VSTM4: variants seen among roughly 807,000 people sequenced by gnomAD.
VSTM4 encodes the protein V-set and transmembrane domain-containing protein 4.
VSTM4 carries 20 observed loss-of-function variants against 36.4 expected under a neutral mutation model. The observed-to-expected ratio is 0.55, with a 90% CI of 0.39 to 0.80. VSTM4 has a LOEUF of 0.80. Among genes scored for constraint, VSTM4 ranks in the 30% least tolerant of loss-of-function variants. The pLI is 0.00. For missense variants in VSTM4, 392 were observed against 404.5 expected (o/e 0.97, Z 0.26); for synonymous variants, 182 against 173.9 (o/e 1.05, Z -0.37).
intron 2 of VSTM4, among the ~76,000 whole-genome samples, chr10:49,091,000 G>C (rs191748243): frequency 2.1e-5 from 3 of 141,068 alleles, no homozygotes; most frequent in African/African-American, 7.6e-5. Context: ...ATGCTGGGGT[G>C]GGGGGTGGGG....
At position 49,020,980 on chromosome 10, in the gene VSTM4, CAT is replaced by C. The variant is rs1371707542; in HGVS notation, c.838-1207_838-1206del. On this transcript the variant is annotated intron_variant, in intron 7 of 7. Transcript: ENST00000332853. The stretch of plus-strand genomic sequence containing the variant: ...TAGTAATAGATCAAAAGAGAAAAGT[CAT>C]ATGATTATAGATGCTAGAAAGGTAC... Among the ~76,000 whole-genome samples, 3 of 152,050 alleles carry C rather than the reference CAT, an allele frequency of 2.0e-5. No individual in the cohort carries two copies. The South Asian group carries it at 6.2e-4, about 32-fold the overall frequency.
At chr10:49,052,461 G>A (rs938267694) in intron 5 of VSTM4, among the ~76,000 whole-genome samples, 7 of 135,642 alleles carry the variant, frequency 5.2e-5, no homozygotes, top group Non-Finnish European at 9.6e-5. Flanking sequence ...TCTTGATTTA[G>A]GATTTTCTTG....
In VSTM4 at chr10:49,107,744, C is replaced by T. The variant is rs1264019989; in HGVS notation, c.307G>A (p.Glu103Lys). ...CTGTAGAGCGCCCCCCGCTGCTCCT[C>T]CAGCAGGCGCAGCCTCCGCCGTTTG... ...SAKRRRLRLLEEQRGALYRLS... is the reference protein window; with the variant it reads ...SAKRRRLRLLKEQRGALYRLS... The change falls in exon 2 of 8, where the codon GAG (glutamate) becomes AAG (lysine). Residue 103 changes from glutamate (E) to lysine (K), a missense_variant. Glu to Lys is a moderately conservative substitution (Grantham distance 56, BLOSUM62 1). Coordinates refer to ENST00000332853, the MANE Select transcript of VSTM4 (RefSeq NM_001031746.5). 4 of 1,614,230 alleles carry T rather than the reference C, an allele frequency of 2.5e-6. No homozygotes were observed. The highest frequency in any genetic ancestry group is 3.4e-6 in the Non-Finnish European group (4 of 1,180,042).
intron 7 of VSTM4, among the ~76,000 whole-genome samples, chr10:49,033,368 C>T (rs757186461): frequency 3.9e-5 from 6 of 152,082 alleles, no homozygotes; most frequent in Non-Finnish European, 7.4e-5. Flanking sequence ...GTAGCCATGA[C>T]CCACACTAAA....
At chr10:49,073,254 T>G (rs1347784496) in intron 4 of VSTM4, among the ~76,000 whole-genome samples, 1 of 152,110 alleles carries the variant, frequency 6.6e-6, no homozygotes, top group East Asian at 1.9e-4. Flanking sequence ...TTGGGCACCA[T>G]CTAGGGGAGG....
intron 3 of VSTM4, among the ~76,000 whole-genome samples, chr10:49,085,435 C>T (rs1218601783): frequency 6.6e-6 from 1 of 152,202 alleles, no homozygotes; most frequent in Non-Finnish European, 1.5e-5. Flanking sequence ...CCCCAAACTC[C>T]TTAAGCAACC....
In VSTM4 at chr10:49,018,289, T is replaced by G. The variant is rs1055583; in HGVS notation, c.*1361A>C. 102,857 of 152,096 alleles carry G rather than the reference T, an allele frequency of 0.68. 36,614 individuals carry two copies. Among genetic ancestry groups the G allele is most frequent in the Non-Finnish European group, 0.8 (54,532 of 68,004 alleles). 9.4% of individuals were successfully genotyped at this position (152,096 alleles called of 1,614,324 possible). ...AGCATTTGTGTAGCAATTTACAGTT[T>G]CTAGAACTGGCAAGATTCATTATCC... On this transcript the variant is annotated 3_prime_UTR_variant, in exon 8 of 8. Transcript: ENST00000332853.
chr10:49,015,759 C>T lies in VSTM4; in HGVS notation c.*3891G>A, dbSNP rs1843096787. On this transcript the variant is annotated 3_prime_UTR_variant, in exon 8 of 8. Coordinates refer to ENST00000332853, the MANE Select transcript of VSTM4 (RefSeq NM_001031746.5). ...TGGATCAGGGATACTGGAAAGATGT[C>T]ATGTTCCACATGGACACCAGCCTAA... 1.3e-5 allele frequency: 2 copies of T among 152,236 alleles called. No individual in the cohort carries two copies. Among genetic ancestry groups the T allele is most frequent in the Non-Finnish European group, 2.9e-5 (2 of 68,046 alleles). The allele number at this position is 152,236 out of a possible 1,614,324, so 9.4% of individuals were successfully genotyped here.
chr10:49,069,311 G>A (rs773997309), intron 4 of VSTM4, among the ~76,000 whole-genome samples: 2 of 152,182 alleles, frequency 1.3e-5, no homozygotes, highest in East Asian at 3.9e-4. Context: ...CACAGGCCCC[G>A]CAATAGGACC....
intron 7 of VSTM4, among the ~76,000 whole-genome samples, chr10:49,035,435 T>G (rs1843412778): frequency 6.6e-6 from 1 of 152,148 alleles, no homozygotes; most frequent in South Asian, 2.1e-4. Context: ...ATTACCCTTC[T>G]AGAACAAAGT....
chr10:49,047,002 G>A lies in VSTM4; in HGVS notation c.818C>T (p.Pro273Leu). Reference protein sequence around the residue: ...PTFHKPKLLKPQRKVTLPKIA... With the variant: ...PTFHKPKLLKLQRKVTLPKIA... The stretch of plus-strand genomic sequence containing the variant: ...ACTTACCAGCGTGACTTTTCTCTGT[G>A]GTTTCAGCAGCTTCGGTTTATGGAA... The change falls in exon 7 of 8, where the codon CCA becomes CTA. Residue 273 changes from proline to leucine, a missense_variant. Pro to Leu is a moderately conservative substitution (Grantham distance 98). Coordinates refer to ENST00000332853, the MANE Select transcript of VSTM4 (RefSeq NM_001031746.5). The A allele has an allele frequency of 3.7e-6, 6 of 1,614,132 alleles. No individual in the cohort carries two copies. The highest frequency in any genetic ancestry group is 4.2e-6 in the Non-Finnish European group (5 of 1,180,008).
intron 7 of VSTM4, among the ~76,000 whole-genome samples, chr10:49,044,448 GAGAA>G (rs71465492): frequency 0.11 from 11,827 of 109,908 alleles, 741 homozygotes; most frequent in East Asian, 0.25. Context: ...GAAGGAAGGA[GAGAA>G]AGAAAGAAAG....
chr10:49,050,310 G>C (rs765574575), intron 5 of VSTM4, among the ~76,000 whole-genome samples: 3 of 152,208 alleles, frequency 2.0e-5, no homozygotes, highest in Non-Finnish European at 4.4e-5. Context: ...TGGTTCCCTA[G>C]AATGGGGGTG....
At position 49,048,469 on chromosome 10, in the gene VSTM4, G is replaced by T. The variant is rs766050256; in HGVS notation, c.775+9C>A. The T allele has an allele frequency of 1.3e-6, 2 of 1,579,034 alleles. No individual in the cohort carries two copies. Among genetic ancestry groups the T allele is most frequent in the Admixed American group, 4.0e-5 (2 of 50,182 alleles). On this transcript the variant is annotated intron_variant, in intron 6 of 7. Coordinates refer to ENST00000332853, the MANE Select transcript of VSTM4 (RefSeq NM_001031746.5). ...TTTCCAGGTAAGAAACTGCAGGCCA[G>T]CTCCTTACCTTTGGCAGGGACTGCG... is the stretch of plus-strand genomic sequence containing the variant.
At chr10:49,064,511 C>T in intron 5 of VSTM4, 192 bp downstream of exon 5, 2 of 643,228 alleles carry the variant, frequency 3.1e-6, no homozygotes, top group Non-Finnish European at 5.2e-6. Flanking sequence ...CTCTGGATCC[C>T]TGGGGGTGAA....
intron 3 of VSTM4, among the ~76,000 whole-genome samples, chr10:49,081,390 G>C (rs1026690030): frequency 4.6e-5 from 7 of 152,206 alleles, no homozygotes; most frequent in African/African-American, 9.7e-5. Context: ...TCTTACAAAA[G>C]CTTCCATGCC....
chr10:49,039,746 T>A (rs983700755), intron 7 of VSTM4, among the ~76,000 whole-genome samples: 1 of 152,180 alleles, frequency 6.6e-6, no homozygotes, highest in Non-Finnish European at 1.5e-5. Flanking sequence ...CCAGTTAATG[T>A]TGAGATGCTG....
In VSTM4 at chr10:49,017,151, T is replaced by C. The variant is rs548426279; in HGVS notation, c.*2499A>G. 19 of 152,338 alleles carry C rather than the reference T, an allele frequency of 1.2e-4. No individual in the cohort carries two copies. Among genetic ancestry groups the C allele is most frequent in the African/African-American group, 4.3e-4 (18 of 41,580 alleles). 9.4% of individuals were successfully genotyped at this position (152,338 alleles called of 1,614,324 possible). ...TTCCCCTTATCTTTGGAAATGACAATGCATGATTAGTGGTCCATGGACAAA... is the reference window on the plus strand; with the variant it reads ...TTCCCCTTATCTTTGGAAATGACAACGCATGATTAGTGGTCCATGGACAAA... On this transcript the variant is annotated 3_prime_UTR_variant, in exon 8 of 8. Coordinates refer to ENST00000332853, the MANE Select transcript of VSTM4 (RefSeq NM_001031746.5).
At chr10:49,034,896 T>C (rs1843404228) in intron 7 of VSTM4, among the ~76,000 whole-genome samples, 1 of 152,204 alleles carries the variant, frequency 6.6e-6, no homozygotes, top group African/African-American at 2.4e-5. Flanking sequence ...TATTGTTTCA[T>C]GAGATTTCAA....
Sources: allele counts gnomAD v4.1 joint callset (sites outside exome capture counted in the v4.1 genomes callset), GRCh38; gene constraint gnomAD v4.1.1; transcripts MANE v1.5; gene names NCBI Gene and HGNC (gene_info 2026-07-23, HGNC 2026-07-21).